CUL5: variants seen among roughly 807,000 people sequenced by gnomAD.
CUL5 encodes the protein cullin 5, also known as cullin-5.
In CUL5, 26 loss-of-function variants were observed where a neutral mutation model predicts 108.8. That is an observed-to-expected ratio of 0.24 (90% CI 0.18 to 0.33). The LOEUF (loss-of-function observed/expected upper bound fraction) is 0.33. Ranked by LOEUF, CUL5 falls within the 10% of genes least tolerant of loss-of-function variation. The pLI is 1.00. For missense variants in CUL5, 524 were observed against 909.2 expected, an observed-to-expected ratio of 0.58 and a Z score of 5.45; for synonymous variants, 334 against 298.0, an observed-to-expected ratio of 1.12 and a Z score of -1.25.
At chr11:108,050,371 C>CT (rs879764017) in intron 4 of CUL5, among the ~76,000 whole-genome samples, 2,064 of 144,882 alleles carry the variant, frequency 0.014, 44 homozygotes, top group African/African-American at 0.046. Flanking sequence ...TCTTTGTACT[C>CT]TTTTTTTTTT....
At chr11:108,084,519 A>G (rs1043111604) in intron 11 of CUL5, among the ~76,000 whole-genome samples, 12 of 152,240 alleles carry the variant, frequency 7.9e-5, no homozygotes, top group African/African-American at 2.9e-4. Context: ...CTGGAGATGG[A>G]CTGATTCCCT....
Position 108,009,248 on chromosome 11 carries a change from A to C in CUL5, c.-101A>C, listed in dbSNP as rs1861995007. The C allele has an allele frequency of 1.5e-6, 2 of 1,339,338 alleles. No homozygotes were observed. The highest frequency in any genetic ancestry group is 2.4e-5 in the South Asian group (2 of 82,306). The allele number at this position is 1,339,338 out of a possible 1,614,324, so 83.0% of individuals were successfully genotyped here. On this transcript the variant is annotated 5_prime_UTR_variant, in exon 1 of 19. Transcript: ENST00000393094. ...GCCCACCACACCCTGGTGCGGGCCG[A>C]CGGGCCCTGGGCCCTGGTGGGAGCT...
At chr11:108,093,177 A>G in intron 13 of CUL5, among the ~76,000 whole-genome samples, 1 of 152,242 alleles carries the variant, frequency 6.6e-6, no homozygotes, top group East Asian at 1.9e-4. Context: ...CTGTTAATAA[A>G]GAGTAGTTTG....
intron 10 of CUL5, among the ~76,000 whole-genome samples, chr11:108,075,037 T>C (rs1379113667): frequency 6.6e-6 from 1 of 152,176 alleles, no homozygotes; most frequent in Non-Finnish European, 1.5e-5. Flanking sequence ...ATGTGATTTA[T>C]GTATTAACAG....
chr11:108,070,393 C>T (rs530843472), intron 8 of CUL5, among the ~76,000 whole-genome samples: 2 of 152,228 alleles, frequency 1.3e-5, no homozygotes, highest in African/African-American at 4.8e-5. Context: ...TAAGCATTTT[C>T]CCTCTTAGCT....
In CUL5 at chr11:108,081,890, A is replaced by G. The variant is rs145096902; in HGVS notation, c.1178+3650A>G. Among the ~76,000 whole-genome samples, 913 of 152,352 alleles carry G rather than the reference A, an allele frequency of 6.0e-3. 11 individuals carry two copies. Among genetic ancestry groups the G allele is most frequent in the African/African-American group, 0.02 (849 of 41,578 alleles). ...AGCCTTGCGATAAGCTTTAAAAGCAAGATGTGTGCATGTTTCAAGTTGGTT... is the reference window on the plus strand; with the variant it reads ...AGCCTTGCGATAAGCTTTAAAAGCAGGATGTGTGCATGTTTCAAGTTGGTT... On this transcript the variant is annotated intron_variant, in intron 11 of 18. Transcript: ENST00000393094.
chr11:108,077,068 C>T (rs1186326236), intron 10 of CUL5, among the ~76,000 whole-genome samples: 1 of 152,128 alleles, frequency 6.6e-6, no homozygotes, highest in Non-Finnish European at 1.5e-5. Flanking sequence ...GTTTTTAAAG[C>T]ACTGACACAG....
chr11:108,019,674 G>A (rs1214293319), intron 1 of CUL5, among the ~76,000 whole-genome samples: 1 of 152,004 alleles, frequency 6.6e-6, no homozygotes, highest in Non-Finnish European at 1.5e-5. Flanking sequence ...TAAAAGTCTA[G>A]CACATATAAT....
chr11:108,078,366 C>A, intron 11 of CUL5, 126 bp downstream of exon 11: 1 of 470,900 alleles, frequency 2.1e-6, no homozygotes, highest in South Asian at 5.8e-5. Context: ...ACTTTTGCAG[C>A]TTTTGGCTAT....
chr11:108,103,800 C>A (rs1362527209), intron 18 of CUL5, among the ~76,000 whole-genome samples: 3 of 152,066 alleles, frequency 2.0e-5, no homozygotes, highest in Non-Finnish European at 4.4e-5. Context: ...TTCAAAATCT[C>A]TATAGTCAGA....
chr11:108,093,389 C>A (rs1259126917), intron 13 of CUL5, among the ~76,000 whole-genome samples: 2 of 152,154 alleles, frequency 1.3e-5, no homozygotes, highest in Non-Finnish European at 2.9e-5. Flanking sequence ...TTGTCACTCA[C>A]CACTTTTATC....
At chr11:108,042,362 G>C (rs548322251) in intron 2 of CUL5, among the ~76,000 whole-genome samples, 2 of 151,916 alleles carry the variant, frequency 1.3e-5, no homozygotes, top group South Asian at 4.2e-4. Context: ...GGGACAACAG[G>C]CGTGCCTCAC....
rs1864769383 is a variant in CUL5 at position 108,105,351 on chromosome 11, T to A, written c.*967T>A. On this transcript the variant is annotated 3_prime_UTR_variant, in exon 19 of 19. Coordinates refer to ENST00000393094, the MANE Select transcript of CUL5 (RefSeq NM_003478.6). ...TATAGTTATGTAACTGATCTCTTAA[T>A]CTGTAGCATAGAAGTATTTTGGTAT... 1 of 152,440 alleles carries A rather than the reference T, an allele frequency of 6.6e-6. No individual in the cohort carries two copies. The highest frequency in any genetic ancestry group is 2.4e-5 in the African/African-American group (1 of 41,414). 9.4% of individuals were successfully genotyped at this position (152,440 alleles called of 1,614,324 possible). A position where few individuals can be genotyped will look rare whatever the true frequency, so the allele number is the denominator to read the frequency against.
intron 2 of CUL5, among the ~76,000 whole-genome samples, chr11:108,035,843 C>A (rs1320371352): frequency 6.6e-6 from 1 of 152,082 alleles, no homozygotes; most frequent in African/African-American, 2.4e-5. Context: ...TGAAATAGCC[C>A]AGTAGCAGAG....
At chr11:108,069,479 A>G (rs1049750723) in intron 7 of CUL5, among the ~76,000 whole-genome samples, 1 of 152,130 alleles carries the variant, frequency 6.6e-6, no homozygotes, top group South Asian at 2.1e-4. Flanking sequence ...ACAGGATCCC[A>G]TTTAGATACC....
At chr11:108,058,540 A>G (rs1214173476) in intron 7 of CUL5, among the ~76,000 whole-genome samples, 1 of 150,152 alleles carries the variant, frequency 6.7e-6, no homozygotes, top group Non-Finnish European at 1.5e-5. Context: ...GAGCCACTGC[A>G]CCCGGCCCAA....
chr11:108,049,259 A>G (rs1434553113), intron 3 of CUL5, among the ~76,000 whole-genome samples: 1 of 152,012 alleles, frequency 6.6e-6, no homozygotes, highest in East Asian at 1.9e-4. Flanking sequence ...TTTCTTTCAC[A>G]ATATTTGTTT....
chr11:108,030,688 C>T (rs979602869), intron 1 of CUL5, among the ~76,000 whole-genome samples: 2 of 152,196 alleles, frequency 1.3e-5, no homozygotes, highest in African/African-American at 2.4e-5. Flanking sequence ...GCATCTGGAG[C>T]AAGACAGTAT....
At chr11:108,009,873 CT>C (rs1862021402) in intron 1 of CUL5, among the ~76,000 whole-genome samples, 1 of 152,172 alleles carries the variant, frequency 6.6e-6, no homozygotes, top group Non-Finnish European at 1.5e-5. Context: ...CTCCACCCCC[CT>C]TCCTCCCTTT....
Sources: allele counts gnomAD v4.1 joint callset (sites outside exome capture counted in the v4.1 genomes callset), GRCh38; gene constraint gnomAD v4.1.1; transcripts MANE v1.5; gene names NCBI Gene and HGNC (gene_info 2026-07-23, HGNC 2026-07-21).